Variants in AIG1 observed in about 807,000 individuals in gnomAD.
The protein encoded by AIG1 is androgen-induced gene 1 protein.
In AIG1, 23 loss-of-function variants were observed where a neutral mutation model predicts 31.4. That is an observed-to-expected ratio of 0.73 (90% CI 0.53 to 1.04). The LOEUF is 1.04. AIG1 is among the 50% of genes least tolerant of loss of function. The probability of loss-of-function intolerance (pLI) is 0.00; values close to 1 mark genes in which losing one functional copy is unlikely to be tolerated. For synonymous variants in AIG1, 100 were observed against 110.5 expected (o/e 0.90, Z 0.60); for missense variants, 274 against 295.0 (o/e 0.93, Z 0.52).
intron 2 of AIG1, among the ~76,000 whole-genome samples, chr6:143,164,747 G>C (rs1036442900): frequency 3.3e-5 from 5 of 152,170 alleles, no homozygotes; most frequent in African/African-American, 1.2e-4. Flanking sequence ...AAAACCACCA[G>C]TGAACTTTTA....
chr6:143,180,959 A>T (rs968938337), intron 3 of AIG1, among the ~76,000 whole-genome samples: 9 of 152,194 alleles, frequency 5.9e-5, no homozygotes, highest in Non-Finnish European at 1.3e-4. Context: ...AGAAGGCATT[A>T]AATGCCACTT....
Position 143,322,085 on chromosome 6 carries a change from G to A in AIG1, c.516-11197G>A, listed in dbSNP as rs9496585. On this transcript the variant is annotated intron_variant, in intron 4 of 5. Coordinates refer to ENST00000357847, the MANE Select transcript of AIG1 (RefSeq NM_016108.4). ...TAGCCTTACTACAGTTTGACATCAG[G>A]CACTGGCATAGAGCAGGAACTCAGA... Among the ~76,000 whole-genome samples the A allele has an allele frequency of 9.1e-3, 1,380 of 152,278 alleles. 15 individuals carry two copies. Among genetic ancestry groups the A allele is most frequent in the African/African-American group, 0.032 (1,331 of 41,552 alleles).
rs569914115 is a variant in AIG1 at position 143,175,142 on chromosome 6, C to T, written c.399+9959C>T. 7.9e-5 allele frequency among the ~76,000 whole-genome samples: 12 copies of T among 152,342 alleles called. No homozygotes were observed. The South Asian group carries it at 2.5e-3, about 32-fold the overall frequency. ...GCTAAAGATAGGACCCCACTACCTTCTAGCTTGCAGGGTTTCTGCTGAGAA... is the reference window on the plus strand; with the variant it reads ...GCTAAAGATAGGACCCCACTACCTTTTAGCTTGCAGGGTTTCTGCTGAGAA... On this transcript the variant is annotated intron_variant, in intron 3 of 5. Coordinates refer to ENST00000357847, the MANE Select transcript of AIG1 (RefSeq NM_016108.4).
Position 143,301,416 on chromosome 6 carries a change from C to T in AIG1, c.515+17191C>T, listed in dbSNP as rs551160210. Reference sequence around the variant, plus strand: ...TCACCTTGGTAACACAGACTGGGTGCAAGCCCCAAGCCTTGGCAGCTTACA... The same window carrying T: ...TCACCTTGGTAACACAGACTGGGTGTAAGCCCCAAGCCTTGGCAGCTTACA... On this transcript the variant is annotated intron_variant, in intron 4 of 5. Coordinates refer to ENST00000357847, the MANE Select transcript of AIG1 (RefSeq NM_016108.4). Among the ~76,000 whole-genome samples the T allele has an allele frequency of 1.6e-3, 246 of 152,306 alleles. 1 individual carries two copies. Among genetic ancestry groups the T allele is most frequent in the Non-Finnish European group, 2.9e-3 (195 of 68,018 alleles).
At chr6:143,290,998 A>G (rs1798025965) in intron 4 of AIG1, among the ~76,000 whole-genome samples, 1 of 151,738 alleles carries the variant, frequency 6.6e-6, no homozygotes, top group Non-Finnish European at 1.5e-5. Context: ...GATCTAGGGG[A>G]GCTGTTGGGG....
intron 1 of AIG1, among the ~76,000 whole-genome samples, chr6:143,082,073 G>A (rs954687600): frequency 2.0e-5 from 3 of 152,086 alleles, no homozygotes; most frequent in Non-Finnish European, 4.4e-5. Context: ...GTGTTCCCTC[G>A]GAAGTTAGGA....
intron 1 of AIG1, among the ~76,000 whole-genome samples, chr6:143,091,434 G>A (rs1779295462): frequency 6.6e-6 from 1 of 152,236 alleles, no homozygotes; most frequent in Admixed American, 6.5e-5. Context: ...TGCAACTGCA[G>A]ATTATAATGA....
chr6:143,300,486 C>T lies in AIG1; in HGVS notation c.515+16261C>T, dbSNP rs578094593. 2.0e-5 allele frequency among the ~76,000 whole-genome samples: 3 copies of T among 152,250 alleles called. No individual in the cohort carries two copies. In the East Asian group the frequency reaches 5.8e-4, roughly 29 times the overall value. On this transcript the variant is annotated intron_variant, in intron 4 of 5. Coordinates refer to ENST00000357847, the MANE Select transcript of AIG1 (RefSeq NM_016108.4). Reference sequence around the variant, plus strand: ...AGGTAGAAAAGAATAAGTTACCAGCCAGGATTCCCAGTGTAATCTAGCATT... The same window carrying T: ...AGGTAGAAAAGAATAAGTTACCAGCTAGGATTCCCAGTGTAATCTAGCATT...
chr6:143,195,680 G>T (rs149399356), intron 3 of AIG1, among the ~76,000 whole-genome samples: 6 of 151,302 alleles, frequency 4.0e-5, no homozygotes, highest in African/African-American at 1.4e-4. Context: ...CCCTCGCCAG[G>T]GAGGGAGAAT....
At chr6:143,195,602 G>A (rs1248975086) in intron 3 of AIG1, among the ~76,000 whole-genome samples, 1 of 150,938 alleles carries the variant, frequency 6.6e-6, no homozygotes, top group Non-Finnish European at 1.5e-5. Context: ...GCTGAGAGTG[G>A]AACCTTGGCG....
chr6:143,198,931 G>C (rs1321289197), intron 3 of AIG1, among the ~76,000 whole-genome samples: 1 of 152,136 alleles, frequency 6.6e-6, no homozygotes, highest in Admixed American at 6.6e-5. Context: ...AGCAGCCTTT[G>C]CCATACCTTC....
At chr6:143,062,667 T>C (rs1194615662) in intron 1 of AIG1, among the ~76,000 whole-genome samples, 1 of 152,252 alleles carries the variant, frequency 6.6e-6, no homozygotes, top group Non-Finnish European at 1.5e-5. Context: ...CCTGAGGTTC[T>C]GATGCATATG....
chr6:143,300,683 A>G (rs1562570377), intron 4 of AIG1, among the ~76,000 whole-genome samples: 1 of 152,264 alleles, frequency 6.6e-6, no homozygotes, highest in South Asian at 2.1e-4. Context: ...TAAATTAAGG[A>G]AAGTCTTGAT....
chr6:143,142,968 G>T (rs748417146), intron 2 of AIG1, among the ~76,000 whole-genome samples: 8 of 152,092 alleles, frequency 5.3e-5, no homozygotes, highest in Non-Finnish European at 1.2e-4. Flanking sequence ...ATCTTTAAGA[G>T]GTTTTGAGAT....
chr6:143,302,055 G>C (rs536639028), intron 4 of AIG1, among the ~76,000 whole-genome samples: 1 of 151,990 alleles, frequency 6.6e-6, no homozygotes, highest in South Asian at 2.1e-4. Context: ...ATGGTGACTA[G>C]AATAGTTTCA....
chr6:143,280,511 T>A lies in AIG1; in HGVS notation c.400-3599T>A, dbSNP rs1404109995. Among the ~76,000 whole-genome samples, 1 of 152,180 alleles carries A rather than the reference T, an allele frequency of 6.6e-6. No homozygotes were observed. Among genetic ancestry groups the A allele is most frequent in the Non-Finnish European group, 1.5e-5 (1 of 68,038 alleles). Reference sequence around the variant, plus strand: ...GACAGATTGGATAAGGAAAATGTGGTACCTGTACACCACAGAATACTATGC... The same window carrying A: ...GACAGATTGGATAAGGAAAATGTGGAACCTGTACACCACAGAATACTATGC... On this transcript the variant is annotated intron_variant, in intron 3 of 5. Coordinates refer to ENST00000357847, the MANE Select transcript of AIG1 (RefSeq NM_016108.4). The surrounding 1 kb of genome is among the most constrained non-coding windows in gnomAD (Gnocchi z 4.1).
At chr6:143,118,952 C>A (rs895250533) in intron 1 of AIG1, among the ~76,000 whole-genome samples, 1 of 151,398 alleles carries the variant, frequency 6.6e-6, no homozygotes, top group African/African-American at 2.4e-5. Context: ...TGGCTCACTG[C>A]AACCTCGACC....
At chr6:143,172,839 T>C (rs1324409372) in intron 3 of AIG1, among the ~76,000 whole-genome samples, 6 of 152,214 alleles carry the variant, frequency 3.9e-5, no homozygotes, top group Admixed American at 3.9e-4. Flanking sequence ...CTAGGTTTTC[T>C]AGTTTATGTG....
rs78828464 is a variant in AIG1, at chr6:143,275,842, A to G, written c.400-8268A>G. Reference sequence around the variant, plus strand: ...TTAGAGGTGCTATTCTGTGAGAACTACACATACTAATTGGGAAATCTTCGT... The same window carrying G: ...TTAGAGGTGCTATTCTGTGAGAACTGCACATACTAATTGGGAAATCTTCGT... On this transcript the variant is annotated intron_variant, in intron 3 of 5. Transcript: ENST00000357847. 5.3e-4 allele frequency among the ~76,000 whole-genome samples: 80 copies of G among 152,326 alleles called. No individual in the cohort carries two copies. In the East Asian group the frequency reaches 0.014, roughly 26 times the overall value.
Sources: gnomAD v4.1 joint callset for allele counts (sites outside exome capture counted in the v4.1 genomes callset) on GRCh38, gnomAD v4.1.1 for gene constraint, Gnocchi (gnomAD v3.1) non-coding constraint, MANE v1.5 for transcripts, NCBI Gene and HGNC (gene_info 2026-07-23, HGNC 2026-07-21) for gene names.